Variants in WNT4 observed in about 807,000 individuals in gnomAD.
The protein encoded by WNT4 is Wnt family member 4.
WNT4 carries 16 observed loss-of-function variants against 34.5 expected under a neutral mutation model. The observed-to-expected ratio is 0.46, with a 90% CI of 0.31 to 0.70. The LOEUF is 0.70. Ranked by LOEUF, WNT4 falls within the 30% of genes least tolerant of loss-of-function variation. The pLI is 0.04. For missense variants in WNT4, 379 were observed against 495.9 expected (o/e 0.76, Z 2.24); for synonymous variants, 200 against 211.9 (o/e 0.94, Z 0.49).
At chr1:22,128,486 T>A (rs7536301) in intron 2 of WNT4, among the ~76,000 whole-genome samples, 1 of 152,118 alleles carries the variant, frequency 6.6e-6, no homozygotes, top group African/African-American at 2.4e-5. Context: ...TATGCCCTGG[T>A]CCCCCTGTCT....
intron 2 of WNT4, among the ~76,000 whole-genome samples, chr1:22,128,421 C>T (rs1162909257): frequency 2.0e-5 from 3 of 152,274 alleles, no homozygotes; most frequent in East Asian, 1.9e-4. Flanking sequence ...TCCTTGAGGG[C>T]GGGAGCTTGG....
chr1:22,129,399 G>C (rs1463812018), intron 2 of WNT4, among the ~76,000 whole-genome samples: 1 of 152,186 alleles, frequency 6.6e-6, no homozygotes, highest in Non-Finnish European at 1.5e-5. Context: ...CGCCTCTTCT[G>C]ATGGCCCCCA....
chr1:22,129,528 TC>T, intron 2 of WNT4, 87 bp downstream of exon 2: 1 of 1,420,532 alleles, frequency 7.0e-7, no homozygotes, highest in Non-Finnish European at 9.7e-7. Context: ...CCTGCAATAG[TC>T]CCGTTGCTCA....
At chr1:22,125,322 GT>G (rs1464789145) in intron 2 of WNT4, among the ~76,000 whole-genome samples, 1 of 152,134 alleles carries the variant, frequency 6.6e-6, no homozygotes, top group Non-Finnish European at 1.5e-5. Context: ...TGTCTCGGGG[GT>G]AACCCCTCCC....
chr1:22,119,767 T>A lies in WNT4; in HGVS notation c.*283A>T. The A allele has an allele frequency of 1.8e-6, 1 of 542,178 alleles. No homozygotes were observed. Among genetic ancestry groups the A allele is most frequent in the Non-Finnish European group, 3.3e-6 (1 of 299,606 alleles). 33.6% of individuals were successfully genotyped at this position (542,178 alleles called of 1,614,324 possible). A position where few individuals can be genotyped will look rare whatever the true frequency, so the allele number is the denominator to read the frequency against. On this transcript the variant is annotated 3_prime_UTR_variant, in exon 5 of 5. Transcript: ENST00000290167. ...CTGCAAGTAGAAAAACGGACACAGA[T>A]AACAACTGAGTGGTCAGTGGCAGCC...
At chr1:22,121,838 A>G (rs1645901543) in intron 2 of WNT4, among the ~76,000 whole-genome samples, 1 of 152,200 alleles carries the variant, frequency 6.6e-6, no homozygotes, top group Non-Finnish European at 1.5e-5. Context: ...GGAGGCAAGT[A>G]CTGTTACCAT....
intron 2 of WNT4, among the ~76,000 whole-genome samples, chr1:22,128,911 G>A (rs942874785): frequency 2.6e-5 from 4 of 152,076 alleles, no homozygotes; most frequent in Admixed American, 6.5e-5. Context: ...TAGTAGAGAC[G>A]GGGTTTCACT....
Position 22,140,835 on chromosome 1 carries a change from C to T in WNT4, c.77+2011G>A, listed in dbSNP as rs552498263. Among the ~76,000 whole-genome samples the T allele has an allele frequency of 6.6e-6, 1 of 152,360 alleles. No homozygotes were observed. The highest frequency in any genetic ancestry group is 1.5e-5 in the Non-Finnish European group (1 of 68,036). ...TGCTTCGTGGCAACCTGAACCATCA[C>T]CGTTGCAGAGAACAGGTTTGCCAAC... On this transcript the variant is annotated intron_variant, in intron 1 of 4. Transcript: ENST00000290167. This position sits in a 1 kb window ranked among gnomAD's most constrained non-coding sequence, Gnocchi z 5.9.
rs1462245308 is a variant in WNT4 at position 22,142,809 on chromosome 1, G to A, written c.77+37C>T. On this transcript the variant is annotated intron_variant, in intron 1 of 4. Transcript: ENST00000290167. This position sits in a 1 kb window ranked among gnomAD's most constrained non-coding sequence, Gnocchi z 6.0. ...GGCCGCTGCCCCCGGGGCCTGCCCCGCCCCGCCCCGCCCCGCTCGGCCCCG... is the reference window on the plus strand; with the variant it reads ...GGCCGCTGCCCCCGGGGCCTGCCCCACCCCGCCCCGCCCCGCTCGGCCCCG... 3 of 1,078,486 alleles carry A rather than the reference G, an allele frequency of 2.8e-6. No homozygotes were observed. The highest frequency in any genetic ancestry group is 3.5e-6 in the Non-Finnish European group (3 of 850,026). 66.8% of individuals were successfully genotyped at this position (1,078,486 alleles called of 1,614,324 possible). A position where few individuals can be genotyped will look rare whatever the true frequency, so the allele number is the denominator to read the frequency against.
intron 2 of WNT4, among the ~76,000 whole-genome samples, chr1:22,123,655 TC>T (rs1645919182): frequency 6.6e-6 from 1 of 152,146 alleles, no homozygotes; most frequent in Non-Finnish European, 1.5e-5. Flanking sequence ...AAGCAACTTG[TC>T]CAACAATACC....
chr1:22,141,669 G>A (rs942616198), intron 1 of WNT4, among the ~76,000 whole-genome samples: 3 of 152,216 alleles, frequency 2.0e-5, no homozygotes, highest in African/African-American at 4.8e-5. Context: ...CAAGCCCTGG[G>A]TGGCTCTGAC....
chr1:22,131,837 A>G (rs1311521208), intron 1 of WNT4, among the ~76,000 whole-genome samples: 1 of 151,842 alleles, frequency 6.6e-6, no homozygotes, highest in Non-Finnish European at 1.5e-5. Context: ...CCTCCTTCCT[A>G]TCTACCAGGT....
In WNT4 at chr1:22,129,949, C is replaced by T. The variant is rs76266212; in HGVS notation, c.78-98G>A. On this transcript the variant is annotated intron_variant, in intron 1 of 4. Transcript: ENST00000290167. Reference sequence around the variant, plus strand: ...CAGCCCGGGTCTCTGGGAACTGACTCGTCCCAGTGACTGGGCCTGGCTGCC... The same window carrying T: ...CAGCCCGGGTCTCTGGGAACTGACTTGTCCCAGTGACTGGGCCTGGCTGCC... 450 of 1,402,316 alleles carry T rather than the reference C, an allele frequency of 3.2e-4. 1 individual carries two copies. In the African/African-American group the frequency reaches 3.9e-3, roughly 12 times the overall value. 86.9% of individuals were successfully genotyped at this position (1,402,316 alleles called of 1,614,324 possible).
At chr1:22,121,157 G>GT in intron 4 of WNT4, 54 bp downstream of exon 4, 2 of 1,610,338 alleles carry the variant, frequency 1.2e-6, no homozygotes, top group Non-Finnish European at 1.7e-6. Flanking sequence ...AGAGTCTGGG[G>GT]CCCTGCCCAT....
chr1:22,121,380 C>T, intron 3 of WNT4, 27 bp from the exon 4 acceptor site: 1 of 1,614,000 alleles, frequency 6.2e-7, no homozygotes, highest in Non-Finnish European at 8.5e-7. Context: ...ACAGAAAGGG[C>T]TGCGGTGAGT....
chr1:22,133,558 T>A (rs1645999206), intron 1 of WNT4, among the ~76,000 whole-genome samples: 1 of 152,242 alleles, frequency 6.6e-6, no homozygotes. Flanking sequence ...CGGGCCAGGC[T>A]GTGCAGGGCC....
rs1646045418 is a variant in WNT4 at position 22,139,108 on chromosome 1, C to T, written c.77+3738G>A. 6.6e-6 allele frequency among the ~76,000 whole-genome samples: 1 copy of T among 152,186 alleles called. No individual in the cohort carries two copies. The highest frequency in any genetic ancestry group is 2.4e-5 in the African/African-American group (1 of 41,436). The stretch of plus-strand genomic sequence containing the variant: ...GAGCAAGGGGGTTGCAGCCTAGGAT[C>T]CTACCTGTGTTAAATCAGTGGATCT... On this transcript the variant is annotated intron_variant, in intron 1 of 4. Coordinates refer to ENST00000290167, the MANE Select transcript of WNT4 (RefSeq NM_030761.5). The surrounding 1 kb of genome is among the most constrained non-coding windows in gnomAD (Gnocchi z 4.6).
intron 2 of WNT4, among the ~76,000 whole-genome samples, chr1:22,123,534 G>A (rs1272578620): frequency 1.3e-5 from 2 of 152,228 alleles, no homozygotes; most frequent in East Asian, 3.8e-4. Context: ...ACCATGTGCT[G>A]GGCTCTGTCT....
At chr1:22,121,411 C>T (rs146466341) in intron 3 of WNT4, 34 bp downstream of exon 3, 2 of 1,613,858 alleles carry the variant, frequency 1.2e-6, no homozygotes, top group Middle Eastern at 1.6e-4. Context: ...GCCAAGCCCC[C>T]TGCCCTCCCA....
Sources: gnomAD v4.1 joint callset for allele counts (sites outside exome capture counted in the v4.1 genomes callset) on GRCh38, gnomAD v4.1.1 for gene constraint, Gnocchi (gnomAD v3.1) non-coding constraint, MANE v1.5 for transcripts, NCBI Gene and HGNC (gene_info 2026-07-23, HGNC 2026-07-21) for gene names.